CACNB2: variants seen among roughly 807,000 people sequenced by gnomAD.
CACNB2 encodes voltage-dependent L-type calcium channel subunit beta-2.
A neutral mutation model predicts 73.3 loss-of-function variants in CACNB2; 42 were observed. That is an observed-to-expected ratio of 0.57 (90% CI 0.45 to 0.74). CACNB2 has a LOEUF of 0.74. Among genes scored for constraint, CACNB2 ranks in the 30% least tolerant of loss-of-function variants. The pLI is 0.00. For synonymous variants in CACNB2, 348 were observed against 310.3 expected (o/e 1.12, Z -1.28); for missense variants, 940 against 853.0 (o/e 1.10, Z -1.27).
chr10:18,531,903 G>A (rs1478912837), intron 10 of CACNB2: 1 of 152,192 alleles, frequency 6.6e-6, no homozygotes, highest in Non-Finnish European at 1.5e-5. Context: ...GTGGGGAGAT[G>A]AGGAAGGCTT....
At chr10:18,287,878 G>T (rs2038872698) in intron 2 of CACNB2, among the ~76,000 whole-genome samples, 1 of 152,154 alleles carries the variant, frequency 6.6e-6, no homozygotes, top group Non-Finnish European at 1.5e-5. Context: ...AAAAACAGAG[G>T]TGTTACTGGG....
At chr10:18,163,065 C>T (rs12414844) in intron 2 of CACNB2, among the ~76,000 whole-genome samples, 40,585 of 151,746 alleles carry the variant, frequency 0.27, 5,451 homozygotes, top group East Asian at 0.34. Flanking sequence ...AGCAGTGTGC[C>T]GGAGGGGATG....
intron 3 of CACNB2, among the ~76,000 whole-genome samples, chr10:18,408,917 A>G (rs112848420): frequency 3.0e-4 from 45 of 152,218 alleles, no homozygotes; most frequent in African/African-American, 1.0e-3. Context: ...CAGTGGCATG[A>G]TTACTGCTTA....
At chr10:18,359,506 T>TA (rs1396259044) in intron 2 of CACNB2, among the ~76,000 whole-genome samples, 1 of 152,116 alleles carries the variant, frequency 6.6e-6, no homozygotes, top group African/African-American at 2.4e-5. Flanking sequence ...ATTCCTGACC[T>TA]AAAGTGATCC....
At chr10:18,455,552 A>G (rs1321727237) in intron 3 of CACNB2, among the ~76,000 whole-genome samples, 1 of 152,230 alleles carries the variant, frequency 6.6e-6, no homozygotes, top group Non-Finnish European at 1.5e-5. Flanking sequence ...TAGGGGATAA[A>G]TAGTGTATAA....
chr10:18,495,500 T>C (rs1036270494), intron 3 of CACNB2, among the ~76,000 whole-genome samples: 1 of 151,592 alleles, frequency 6.6e-6, no homozygotes, highest in Non-Finnish European at 1.5e-5. Flanking sequence ...ATTACTGGCA[T>C]GAGCCATCAC....
chr10:18,247,488 G>A (rs1320197780), intron 2 of CACNB2, among the ~76,000 whole-genome samples: 2 of 152,048 alleles, frequency 1.3e-5, no homozygotes, highest in African/African-American at 4.8e-5. Flanking sequence ...ATGAAGTGCC[G>A]GCTGGATATA....
intron 2 of CACNB2, among the ~76,000 whole-genome samples, chr10:18,319,503 G>A (rs1056272386): frequency 3.0e-4 from 46 of 152,074 alleles, no homozygotes; most frequent in African/African-American, 1.1e-3. Flanking sequence ...TGCATGTGGG[G>A]CTTAAAACCT....
chr10:18,362,087 C>A (rs1817296956), intron 2 of CACNB2, among the ~76,000 whole-genome samples: 1 of 152,176 alleles, frequency 6.6e-6, no homozygotes, highest in Admixed American at 6.5e-5. Flanking sequence ...CCTCAGCTTC[C>A]CAATGGGTAG....
intron 2 of CACNB2, among the ~76,000 whole-genome samples, chr10:18,349,727 A>T (rs1005814944): frequency 1.5e-4 from 6 of 41,294 alleles, no homozygotes; most frequent in Admixed American, 1.4e-3. Flanking sequence ...GAGATGATTT[A>T]AAAAAAAAAA....
At chr10:18,275,481 G>A (rs1438846052) in intron 2 of CACNB2, among the ~76,000 whole-genome samples, 1 of 152,180 alleles carries the variant, frequency 6.6e-6, no homozygotes, top group African/African-American at 2.4e-5. Context: ...TAAGCATCAG[G>A]AAGAATAGCT....
intron 2 of CACNB2, among the ~76,000 whole-genome samples, chr10:18,325,557 T>A (rs2131980654): frequency 6.6e-6 from 1 of 152,014 alleles, no homozygotes; most frequent in East Asian, 1.9e-4. Flanking sequence ...TTCCTTTTCT[T>A]TTCTTTCTTT....
At chr10:18,255,293 C>G (rs1278480106) in intron 2 of CACNB2, among the ~76,000 whole-genome samples, 1 of 152,176 alleles carries the variant, frequency 6.6e-6, no homozygotes, top group East Asian at 1.9e-4. Flanking sequence ...CTCCCTTCTA[C>G]CACGTAGAGC....
intron 3 of CACNB2, among the ~76,000 whole-genome samples, chr10:18,419,384 G>T (rs1158574466): frequency 6.6e-6 from 1 of 152,140 alleles, no homozygotes; most frequent in Non-Finnish European, 1.5e-5. Context: ...AATAGTAACT[G>T]TATTATAATG....
At chr10:18,536,336 G>T in intron 12 of CACNB2, 140 bp downstream of exon 12, 1 of 585,190 alleles carries the variant, frequency 1.7e-6, no homozygotes, top group Non-Finnish European at 2.9e-6. Flanking sequence ...TTAGCTCACT[G>T]CAGCCCTGAA....
chr10:18,387,798 T>A (rs2043298063), intron 2 of CACNB2, among the ~76,000 whole-genome samples: 1 of 151,640 alleles, frequency 6.6e-6, no homozygotes, highest in Non-Finnish European at 1.5e-5. Flanking sequence ...ATTCTGTCAC[T>A]CAGGCTGGGG....
Position 18,528,689 on chromosome 10 carries a change from C to T in CACNB2, c.1054+992C>T, listed in dbSNP as rs184818476. On this transcript the variant is annotated intron_variant, in intron 10 of 13. Transcript: ENST00000324631. ...TTTTGTTTCTCACCTAACAACCCTT[C>T]GTTGGCAAAACTTCAGTAACAGGTT... Among the ~76,000 whole-genome samples the T allele has an allele frequency of 1.2e-3, 126 of 102,852 alleles. 2 individuals are homozygous for T. Among genetic ancestry groups the T allele is most frequent in the African/African-American group, 4.9e-3 (117 of 23,966 alleles). 67.5% of individuals were successfully genotyped at this position (102,852 alleles called of 152,430 possible).
At chr10:18,487,977 A>C (rs531719494) in intron 3 of CACNB2, among the ~76,000 whole-genome samples, 1 of 151,588 alleles carries the variant, frequency 6.6e-6, no homozygotes, top group African/African-American at 2.4e-5. Context: ...AAGTCATGCA[A>C]ATTGTACTTT....
At chr10:18,520,583 G>T (rs1271080624) in intron 9 of CACNB2, among the ~76,000 whole-genome samples, 1 of 152,186 alleles carries the variant, frequency 6.6e-6, no homozygotes, top group Non-Finnish European at 1.5e-5. Flanking sequence ...ACCATCCAGT[G>T]ACTTCTTTTT....
Sources: gnomAD v4.1 joint callset for allele counts (sites outside exome capture counted in the v4.1 genomes callset) on GRCh38, gnomAD v4.1.1 for gene constraint, MANE v1.5 for transcripts, NCBI Gene and HGNC (gene_info 2026-07-23, HGNC 2026-07-21) for gene names.